The following NSMF variants were observed in gnomAD, a reference collection of about 807,000 sequenced individuals.
NSMF encodes the protein NMDA receptor synaptonuclear signaling and neuronal migration factor, also known as nasal embryonic LHRH factor.
In NSMF, 31 loss-of-function variants were observed where a neutral mutation model predicts 71.0. The ratio of observed to expected loss-of-function variants is 0.44; its 90% confidence interval spans 0.33 to 0.59. NSMF has a LOEUF of 0.59. NSMF is among the 20% of genes least tolerant of loss of function. The probability of loss-of-function intolerance (pLI) is 0.04; values close to 1 mark genes in which losing one functional copy is unlikely to be tolerated. For synonymous variants in NSMF, 345 were observed against 287.1 expected, an observed-to-expected ratio of 1.20 and a Z score of -2.04; for missense variants, 673 against 740.5, an observed-to-expected ratio of 0.91 and a Z score of 1.06.
At chr9:137,454,971 C>G in intron 6 of NSMF, 1 of 715,000 alleles carries the variant, frequency 1.4e-6, no homozygotes. Context: ...CCAGACACAT[C>G]TGTGTGATTG....
At position 137,454,420 on chromosome 9, in the gene NSMF, A is replaced by G; in HGVS notation, c.803T>C (p.Met268Thr). ...GGCCTTCACCCTCCGGCTGCCGACC[A>G]TGCGCAGGTGTTTGCGGAAGTTCCT... Reference protein sequence around the residue: ...IQRNFRKHLRMVGSRRVKAQT... With the variant: ...IQRNFRKHLRTVGSRRVKAQT... Residue 268 changes from methionine (M) to threonine (T), a missense_variant, in exon 7 of 16, where the codon ATG becomes ACG. Met to Thr is a moderately conservative substitution (Grantham distance 81). Coordinates refer to ENST00000371475, the MANE Select transcript of NSMF (RefSeq NM_001130969.3). 1.9e-6 allele frequency: 3 copies of G among 1,549,780 alleles called. No homozygotes were observed. The highest frequency in any genetic ancestry group is 2.6e-6 in the Non-Finnish European group (3 of 1,146,658).
At chr9:137,449,732 G>A (rs941242635) in intron 14 of NSMF, 58 bp from the exon 15 acceptor site, 2 of 1,499,850 alleles carry the variant, frequency 1.3e-6, no homozygotes, top group Non-Finnish European at 1.8e-6. Flanking sequence ...GAGGAGCGGG[G>A]AGGAGATGGG....
chr9:137,454,690 T>C, intron 6 of NSMF: 1 of 1,520,324 alleles, frequency 6.6e-7, no homozygotes, highest in Non-Finnish European at 8.8e-7. Flanking sequence ...CTGGATCAAG[T>C]CTCCTCCCGA....
chr9:137,453,510 G>A lies in NSMF; in HGVS notation c.922+221C>T, dbSNP rs568601764. ...GAGGGCCTCTTGCGAGTGGCGGTGG[G>A]CACGGCCCTACAGGCGCCCCCGGCC... On this transcript the variant is annotated intron_variant, in intron 8 of 15. Transcript: ENST00000371475. The surrounding 1 kb of genome is among the most constrained non-coding windows in gnomAD (Gnocchi z 4.5). 13 of 600,646 alleles carry A rather than the reference G, an allele frequency of 2.2e-5. No homozygotes were observed. In the East Asian group the frequency reaches 3.1e-4, roughly 14 times the overall value. The allele number at this position is 600,646 out of a possible 1,614,324, so 37.2% of individuals were successfully genotyped here.
chr9:137,455,528 C>G (rs1830789837), intron 5 of NSMF, 101 bp downstream of exon 5: 2 of 1,397,052 alleles, frequency 1.4e-6, no homozygotes, highest in African/African-American at 1.4e-5. Flanking sequence ...GGCACTCCCT[C>G]AAGACCCAGG....
chr9:137,456,615 G>A, intron 3 of NSMF, 129 bp from the exon 4 acceptor site: 3 of 728,840 alleles, frequency 4.1e-6, no homozygotes, highest in Non-Finnish European at 7.6e-6. Flanking sequence ...CGGGTGGGGG[G>A]AGGGTGGCAT....
Position 137,453,620 on chromosome 9 carries a change from T to C in NSMF, c.922+111A>G. On this transcript the variant is annotated intron_variant, in intron 8 of 15. Coordinates refer to ENST00000371475, the MANE Select transcript of NSMF (RefSeq NM_001130969.3). This position sits in a 1 kb window ranked among gnomAD's most constrained non-coding sequence, Gnocchi z 4.5. Reference sequence around the variant, plus strand: ...CATCTCACAAACAGGTAAACCAAGATTCAGGAGTGCAAAAGCGCAGCCCAG... The same window carrying C: ...CATCTCACAAACAGGTAAACCAAGACTCAGGAGTGCAAAAGCGCAGCCCAG... The C allele has an allele frequency of 1.3e-6, 1 of 774,840 alleles. No homozygotes were observed. Among genetic ancestry groups the C allele is most frequent in the South Asian group, 1.8e-5 (1 of 56,396 alleles). 48.0% of individuals were successfully genotyped at this position (774,840 alleles called of 1,614,324 possible).
At position 137,453,396 on chromosome 9, in the gene NSMF, G is replaced by A. The variant is rs748360983; in HGVS notation, c.923-216C>T. ...GGAAGGGAGACCCTGGTGCGAGGCC[G>A]GTGGAAGGCGCGTGCAGGCATCAGC... is the stretch of plus-strand genomic sequence containing the variant. On this transcript the variant is annotated intron_variant, in intron 8 of 15. Coordinates refer to ENST00000371475, the MANE Select transcript of NSMF (RefSeq NM_001130969.3). The surrounding 1 kb of genome is among the most constrained non-coding windows in gnomAD (Gnocchi z 4.5). 1.0e-4 allele frequency: 69 copies of A among 659,220 alleles called. No homozygotes were observed. The highest frequency in any genetic ancestry group is 1.6e-4 in the Non-Finnish European group (62 of 390,054). 40.8% of individuals were successfully genotyped at this position (659,220 alleles called of 1,614,324 possible).
Position 137,449,347 on chromosome 9 carries a change from G to T in NSMF, c.*47C>A. 1 of 1,527,314 alleles carries T rather than the reference G, an allele frequency of 6.5e-7. No individual in the cohort carries two copies. Among genetic ancestry groups the T allele is most frequent in the South Asian group, 1.1e-5 (1 of 88,914 alleles). 94.6% of individuals were successfully genotyped at this position (1,527,314 alleles called of 1,614,324 possible). A position where few individuals can be genotyped will look rare whatever the true frequency, so the allele number is the denominator to read the frequency against. On this transcript the variant is annotated 3_prime_UTR_variant, in exon 16 of 16. Transcript: ENST00000371475. ...CGAGGCGGCCCAGCCCCAGGTCCCG[G>T]TGCAGAGGGAGTGGCCTGATGGTGA...
Position 137,458,555 on chromosome 9 carries a change from G to T in NSMF, c.72-6C>A. 6.3e-7 allele frequency: 1 copy of T among 1,592,386 alleles called. No homozygotes were observed. Reference sequence around the variant, plus strand: ...CTCCAAACGCTCGGGCTGCTCTGAGGGTGGACAGAGGGCACGGTCAGAGGC... The same window carrying T: ...CTCCAAACGCTCGGGCTGCTCTGAGTGTGGACAGAGGGCACGGTCAGAGGC... On this transcript the variant is annotated splice_polypyrimidine_tract_variant and splice_region_variant and intron_variant, in intron 1 of 15. Coordinates refer to ENST00000371475, the MANE Select transcript of NSMF (RefSeq NM_001130969.3).
In NSMF at chr9:137,453,787, C is replaced by A. The variant is rs1214341527; in HGVS notation, c.866G>T (p.Arg289Leu). Residue 289 changes from arginine (R) to leucine (L), a missense_variant, in exon 8 of 16, where the codon CGG (arginine) becomes CTG (leucine). Physicochemically the swap from Arg to Leu is moderately radical, Grantham distance 102 (BLOSUM62 -2). Around this residue, in one of 2 missense-constraint regions of NSMF, gnomAD observed 471 missense variants for 459.6 expected, o/e 1.02. Coordinates refer to ENST00000371475, the MANE Select transcript of NSMF (RefSeq NM_001130969.3). This position sits in a 1 kb window ranked among gnomAD's most constrained non-coding sequence, Gnocchi z 4.5. ...FAERRERSFS[R>L]SWSDPTPMKA... Reference sequence around the variant, plus strand: ...CATGGGGGTGGGGTCGCTCCAGGACCGGCTGAAGCTCCGCTCGCGCCGCTC... The same window carrying A: ...CATGGGGGTGGGGTCGCTCCAGGACAGGCTGAAGCTCCGCTCGCGCCGCTC... The A allele has an allele frequency of 1.9e-6, 3 of 1,599,342 alleles. No individual in the cohort carries two copies. The highest frequency in any genetic ancestry group is 2.7e-5 in the African/African-American group (2 of 74,746).
rs1035739461 is a variant in NSMF at position 137,457,848 on chromosome 9, G to A, written c.187C>T (p.Pro63Ser). Reference sequence around the variant, plus strand: ...AGGCGGCGCTTGTTCTGGGGGGCCGGCTGCATCTCGGGGGACCCGTCGTGG... The same window carrying A: ...AGGCGGCGCTTGTTCTGGGGGGCCGACTGCATCTCGGGGGACCCGTCGTGG... ...SGHDGSPEMQ[P>S]APQNKRRLSL... Residue 63 changes from proline (P) to serine (S), a missense_variant, in exon 3 of 16, where the codon CCG becomes TCG. Physicochemically the swap from Pro to Ser is moderately conservative, Grantham distance 74 (BLOSUM62 -1). Coordinates refer to ENST00000371475, the MANE Select transcript of NSMF (RefSeq NM_001130969.3). 1.9e-6 allele frequency: 3 copies of A among 1,552,992 alleles called. No homozygotes were observed. The highest frequency in any genetic ancestry group is 1.7e-6 in the Non-Finnish European group (2 of 1,149,326).
rs1423035426 is a variant in NSMF, at chr9:137,457,619, A to G, written c.416T>C (p.Leu139Pro). 2 of 1,550,810 alleles carry G rather than the reference A, an allele frequency of 1.3e-6. No individual in the cohort carries two copies. The highest frequency in any genetic ancestry group is 1.7e-6 in the Non-Finnish European group (2 of 1,146,978). ...QRHPHHHSQPLRASPGGSRED... is the reference protein window; with the variant it reads ...QRHPHHHSQPPRASPGGSRED... ...CCGGCTGCCACCAGGGCTGGCGCGCAGGGGCTGGCTGTGATGGTGAGGGTG... is the reference window on the plus strand; with the variant it reads ...CCGGCTGCCACCAGGGCTGGCGCGCGGGGGCTGGCTGTGATGGTGAGGGTG... Residue 139 changes from leucine (L) to proline (P), a missense_variant, in exon 3 of 16, where the codon CTG (leucine) becomes CCG (proline). Leu to Pro is a moderately conservative substitution (Grantham distance 98). Transcript: ENST00000371475.
At position 137,452,442 on chromosome 9, in the gene NSMF, G is replaced by A. The variant is rs1830581960; in HGVS notation, c.1166-7C>T. On this transcript the variant is annotated splice_polypyrimidine_tract_variant and splice_region_variant and intron_variant, in intron 11 of 15. Coordinates refer to ENST00000371475, the MANE Select transcript of NSMF (RefSeq NM_001130969.3). ...AGCTTCCTCTCTATCTCCTCTGTGG[G>A]AGAGCGGGTGTGAGTGCTGCGGCCC... 1.9e-6 allele frequency: 3 copies of A among 1,612,264 alleles called. No homozygotes were observed. Among genetic ancestry groups the A allele is most frequent in the South Asian group, 1.1e-5 (1 of 91,060 alleles).
chr9:137,459,111 C>T lies in NSMF; in HGVS notation c.-9G>A. The T allele has an allele frequency of 8.6e-7, 1 of 1,164,958 alleles. No homozygotes were observed. Among genetic ancestry groups the T allele is most frequent in the Non-Finnish European group, 1.1e-6 (1 of 942,662 alleles). 72.2% of individuals were successfully genotyped at this position (1,164,958 alleles called of 1,614,324 possible). On this transcript the variant is annotated 5_prime_UTR_variant, in exon 1 of 16. Coordinates refer to ENST00000371475, the MANE Select transcript of NSMF (RefSeq NM_001130969.3). Reference sequence around the variant, plus strand: ...GAGGCGGCGGCGCCCATGGTCGAGGCGGCGGCGCATCCCCCGGGCCTCAGA... The same window carrying T: ...GAGGCGGCGGCGCCCATGGTCGAGGTGGCGGCGCATCCCCCGGGCCTCAGA...
At chr9:137,458,459 G>T in intron 2 of NSMF, 29 bp downstream of exon 2, 1 of 1,552,900 alleles carries the variant, frequency 6.4e-7, no homozygotes, top group Non-Finnish European at 8.7e-7. Flanking sequence ...GGGTCTGGGC[G>T]GCCCTGGCAC....
At chr9:137,455,456 C>A (rs1198043478) in intron 5 of NSMF, 149 bp from the exon 6 acceptor site, 27 of 1,141,102 alleles carry the variant, frequency 2.4e-5, no homozygotes, top group Non-Finnish European at 3.4e-5. Context: ...CTGTCGAGGC[C>A]CAGCTCCCAG....
rs372433017 is a variant in NSMF at position 137,453,008 on chromosome 9, G to A, written c.1047+48C>T. On this transcript the variant is annotated intron_variant, in intron 9 of 15. Coordinates refer to ENST00000371475, the MANE Select transcript of NSMF (RefSeq NM_001130969.3). This position sits in a 1 kb window ranked among gnomAD's most constrained non-coding sequence, Gnocchi z 4.5. ...GAGCTGGCTGGACTCGGGTTGGGGC[G>A]GAGTCCTGCTCGGGGTGTAGAGGAG... The A allele has an allele frequency of 5.6e-6, 9 of 1,609,262 alleles. No homozygotes were observed. Among genetic ancestry groups the A allele is most frequent in the African/African-American group, 2.7e-5 (2 of 74,882 alleles).
chr9:137,450,238 G>C lies in NSMF; in HGVS notation c.1254C>G (p.Leu418=). 1 of 1,613,360 alleles carries C rather than the reference G, an allele frequency of 6.2e-7. No homozygotes were observed. Among genetic ancestry groups the C allele is most frequent in the Non-Finnish European group, 8.5e-7 (1 of 1,179,802 alleles). ...LIFCQGGPGH[L]YLLKNKVATF... ...TGGCCACCTTGTTCTTGAGGAGATA[G>C]AGGTGTCCAGGACCTCCCTGTAAGA... Residue 418 remains leucine, a synonymous_variant, in exon 13 of 16, where the codon CTC becomes CTG. Coordinates refer to ENST00000371475, the MANE Select transcript of NSMF (RefSeq NM_001130969.3).
Sources: allele counts gnomAD v4.1 joint callset, GRCh38; gene constraint gnomAD v4.1.1; regional missense constraint gnomAD v4.1.1; non-coding constraint Gnocchi (gnomAD v3.1); transcripts MANE v1.5; gene names NCBI Gene and HGNC (gene_info 2026-07-23, HGNC 2026-07-21).